The following CLASP2 variants were observed in gnomAD, a reference collection of about 807,000 sequenced individuals.
The protein encoded by CLASP2 is CLIP-associating protein 2.
A neutral mutation model predicts 194.4 loss-of-function variants in CLASP2; 47 were observed. That is an observed-to-expected ratio of 0.24 (90% confidence interval 0.19 to 0.31). The LOEUF (loss-of-function observed/expected upper bound fraction) is 0.31, where lower values mean the gene tolerates loss of function less well. Among genes scored for constraint, CLASP2 ranks in the 10% least tolerant of loss-of-function variants. CLASP2 has a pLI of 1.00. For synonymous variants in CLASP2, 619 were observed against 633.5 expected (o/e 0.98, Z 0.34); for missense variants, 1,445 against 1,823.6 (o/e 0.79, Z 3.78).
chr3:33,509,284 T>G (rs558468738), intron 37 of CLASP2, among the ~76,000 whole-genome samples: 2 of 152,224 alleles, frequency 1.3e-5, no homozygotes, highest in African/African-American at 2.4e-5. Flanking sequence ...CCTAACTATC[T>G]TGGCTCACCG....
intron 2 of CLASP2, among the ~76,000 whole-genome samples, chr3:33,692,298 A>G (rs2091439344): frequency 1.3e-5 from 2 of 152,212 alleles, no homozygotes; most frequent in African/African-American, 4.8e-5. Context: ...CCATATAACA[A>G]TAATGGAAAA....
chr3:33,536,201 A>G (rs1405573104), intron 33 of CLASP2, among the ~76,000 whole-genome samples: 1 of 152,076 alleles, frequency 6.6e-6, no homozygotes, highest in Non-Finnish European at 1.5e-5. Context: ...CAGTGAGCAA[A>G]AGAGAGAACG....
chr3:33,602,990 C>T lies in CLASP2; in HGVS notation c.1886G>A (p.Gly629Asp), dbSNP rs2072713511. 6.2e-7 allele frequency: 1 copy of T among 1,610,652 alleles called. No homozygotes were observed. Among genetic ancestry groups the T allele is most frequent in the Non-Finnish European group, 8.5e-7 (1 of 1,178,346 alleles). ...AGQSVRSGRLGAGALNAGSYA... is the reference protein window; with the variant it reads ...AGQSVRSGRLDAGALNAGSYA... The stretch of plus-strand genomic sequence containing the variant: ...GGAACCTGCATTCAGGGCACCTGCA[C>T]CTAAGCGCCCGCTTCGCACAGACTG... The change falls in exon 18 of 39, where the codon GGT (glycine) becomes GAT (aspartate). Residue 629 changes from glycine (G) to aspartate (D), a missense_variant. Transcript: ENST00000682230.
In CLASP2 at chr3:33,523,008, G is replaced by A. The variant is rs187677240; in HGVS notation, c.3788-5834C>T. Among the ~76,000 whole-genome samples the A allele has an allele frequency of 6.7e-4, 102 of 152,288 alleles. 1 individual carries two copies. The highest frequency in any genetic ancestry group is 6.8e-3 in the Middle Eastern group (2 of 294). On this transcript the variant is annotated intron_variant, in intron 34 of 38. Transcript: ENST00000682230. ...GGAGAATGGCACGAACCCAGGAGGC[G>A]GAGCTTGCAGTAAGCTGAGATCGCG...
chr3:33,629,568 T>C (rs2078681614), intron 9 of CLASP2, among the ~76,000 whole-genome samples: 1 of 152,138 alleles, frequency 6.6e-6, no homozygotes. Flanking sequence ...ACATGTCTGA[T>C]AGCTATATTA....
At chr3:33,672,125 C>T (rs1215787783) in intron 6 of CLASP2, among the ~76,000 whole-genome samples, 5 of 152,194 alleles carry the variant, frequency 3.3e-5, no homozygotes, top group African/African-American at 4.8e-5. Context: ...GATCTGAGAA[C>T]GGGCAGACTG....
chr3:33,606,352 C>A (rs1208188668), intron 16 of CLASP2, among the ~76,000 whole-genome samples: 4 of 152,120 alleles, frequency 2.6e-5, no homozygotes, highest in Non-Finnish European at 5.9e-5. Context: ...CAGGCTTCTA[C>A]AGACGTGAAC....
chr3:33,515,309 G>A (rs1472972915), intron 36 of CLASP2, among the ~76,000 whole-genome samples: 1 of 152,118 alleles, frequency 6.6e-6, no homozygotes. Flanking sequence ...TGAAGAAGGG[G>A]AGAGAGATAT....
intron 7 of CLASP2, 45 bp from the exon 8 acceptor site, chr3:33,644,948 G>A: frequency 6.5e-7 from 1 of 1,544,368 alleles, no homozygotes; most frequent in South Asian, 1.2e-5. Context: ...ACTAAGCTTT[G>A]TTCCATTTTC....
intron 37 of CLASP2, among the ~76,000 whole-genome samples, chr3:33,507,172 G>A (rs1237597678): frequency 6.6e-6 from 1 of 152,014 alleles, no homozygotes. Context: ...CCTGACCTCA[G>A]GTGATTTGCC....
intron 37 of CLASP2, among the ~76,000 whole-genome samples, chr3:33,510,254 C>T (rs990358781): frequency 6.6e-5 from 10 of 152,064 alleles, no homozygotes; most frequent in Non-Finnish European, 1.0e-4. Flanking sequence ...TTAATGGGTA[C>T]AGAGTTTCAG....
At chr3:33,529,221 C>T (rs1157018867) in intron 34 of CLASP2, among the ~76,000 whole-genome samples, 1 of 152,188 alleles carries the variant, frequency 6.6e-6, no homozygotes, top group African/African-American at 2.4e-5. Context: ...TAGGAAGAAT[C>T]AACATCATTA....
chr3:33,505,427 A>C (rs565930979), intron 37 of CLASP2: 115 of 152,344 alleles, frequency 7.5e-4, no homozygotes, highest in African/African-American at 2.6e-3. Context: ...TTTTCAGTAC[A>C]TGAAAAAGAA....
intron 23 of CLASP2, among the ~76,000 whole-genome samples, chr3:33,576,722 C>T (rs544500062): frequency 1.6e-4 from 24 of 152,220 alleles, no homozygotes; most frequent in African/African-American, 5.3e-4. Flanking sequence ...ATTATTATCT[C>T]CTCTCCTTCA....
chr3:33,635,605 G>T (rs748756379), intron 8 of CLASP2, among the ~76,000 whole-genome samples: 5 of 152,134 alleles, frequency 3.3e-5, no homozygotes, highest in Non-Finnish European at 7.4e-5. Flanking sequence ...ACCCACAAAT[G>T]TAAGAAATTT....
chr3:33,698,749 A>T (rs1282870042), intron 1 of CLASP2, among the ~76,000 whole-genome samples: 25 of 152,212 alleles, frequency 1.6e-4, no homozygotes, highest in Non-Finnish European at 3.7e-4. Flanking sequence ...TTTAGCAGAA[A>T]AAAGGCATGT....
intron 5 of CLASP2, among the ~76,000 whole-genome samples, chr3:33,685,027 A>T (rs547463025): frequency 7.2e-6 from 1 of 138,306 alleles, no homozygotes; most frequent in South Asian, 2.3e-4. Flanking sequence ...ATAAATAAAT[A>T]AATAATAATA....
intron 32 of CLASP2, among the ~76,000 whole-genome samples, chr3:33,540,779 T>C (rs1474839069): frequency 6.6e-6 from 1 of 151,796 alleles, no homozygotes; most frequent in Non-Finnish European, 1.5e-5. Context: ...CAACTCTTTT[T>C]TTTTTTTTTT....
chr3:33,717,971 G>A lies in CLASP2; in HGVS notation c.32C>T (p.Ala11Val), dbSNP rs1244611879. Residue 11 changes from alanine to valine, a missense_variant, in exon 1 of 39, where the codon GCC becomes GTC. Physicochemically the swap from Ala to Val is moderately conservative, Grantham distance 64. This residue lies in a region of CLASP2 where 332 missense variants were observed against 325.3 expected (regional missense o/e 1.02). Transcript: ENST00000682230. ...GCCGACGTCCTTCTGCTGCACCTGG[G>A]CGCAGAAGTACTCCATGCTGCGGGG... MEPRSMEYFCAQVQQKDVGGR... is the reference protein window; with the variant it reads MEPRSMEYFCVQVQQKDVGGR... 6.5e-7 allele frequency: 1 copy of A among 1,540,986 alleles called. No homozygotes were observed. Among genetic ancestry groups the A allele is most frequent in the Non-Finnish European group, 8.7e-7 (1 of 1,145,634 alleles).
Sources: gnomAD v4.1 joint callset for allele counts (sites outside exome capture counted in the v4.1 genomes callset) on GRCh38, gnomAD v4.1.1 for gene constraint, gnomAD v4.1.1 regional missense constraint, MANE v1.5 for transcripts, NCBI Gene and HGNC (gene_info 2026-07-23, HGNC 2026-07-21) for gene names.